ARHGEF4: variants seen among roughly 807,000 people sequenced by gnomAD.
The protein encoded by ARHGEF4 is Rho guanine nucleotide exchange factor 4.
Under a neutral mutation model 162.0 loss-of-function variants are expected in ARHGEF4, and 119 were observed. The ratio of observed to expected loss-of-function variants is 0.73; its 90% confidence interval spans 0.63 to 0.86. The LOEUF (loss-of-function observed/expected upper bound fraction) is 0.86. Among genes scored for constraint, ARHGEF4 ranks in the 40% least tolerant of loss-of-function variants. The pLI is 0.00. For synonymous variants in ARHGEF4, 1,014 were observed against 979.9 expected, an observed-to-expected ratio of 1.03 and a Z score of -0.65; for missense variants, 2,488 against 2,456.0, an observed-to-expected ratio of 1.01 and a Z score of -0.28.
intron 1 of ARHGEF4, among the ~76,000 whole-genome samples, chr2:130,902,521 G>A (rs904402819): frequency 6.7e-6 from 1 of 149,794 alleles, no homozygotes; most frequent in Admixed American, 6.7e-5. Flanking sequence ...TTGAACCTGG[G>A]AGGCGGAGGT....
rs1459746510 is a variant in ARHGEF4 at position 131,044,686 on chromosome 2, G to T, written c.5401+144G>T. On this transcript the variant is annotated intron_variant, in intron 12 of 13. Transcript: ENST00000409359. ...AGGCTCCAGGCACCTCTAGGTCCCAGTCATGAGCATAAGGCTTTGCCTTCA... is the reference window on the plus strand; with the variant it reads ...AGGCTCCAGGCACCTCTAGGTCCCATTCATGAGCATAAGGCTTTGCCTTCA... 6 of 1,148,144 alleles carry T rather than the reference G, an allele frequency of 5.2e-6. No individual in the cohort carries two copies. In the African/African-American group the frequency reaches 1.1e-4, roughly 20 times the overall value. The allele number at this position is 1,148,144 out of a possible 1,614,324, so 71.1% of individuals were successfully genotyped here.
At chr2:130,936,324 G>T (rs1444799381) in intron 3 of ARHGEF4, among the ~76,000 whole-genome samples, 2 of 152,254 alleles carry the variant, frequency 1.3e-5, no homozygotes, top group African/African-American at 2.4e-5. Context: ...GATTTCTGTC[G>T]ATTTTTGTTG....
chr2:131,004,408 C>T (rs979392007), intron 4 of ARHGEF4, among the ~76,000 whole-genome samples: 1 of 152,176 alleles, frequency 6.6e-6, no homozygotes, highest in Admixed American at 6.5e-5. Flanking sequence ...TTCATGATCC[C>T]CCTGCCTTGG....
chr2:130,892,188 C>G (rs34700621), intron 1 of ARHGEF4, among the ~76,000 whole-genome samples: 22,842 of 152,098 alleles, frequency 0.15, 1,942 homozygotes, highest in Admixed American at 0.23. Context: ...AGCACTCAGC[C>G]TTGACCTAGT....
At chr2:130,886,836 G>T (rs998465795) in intron 1 of ARHGEF4, among the ~76,000 whole-genome samples, 1 of 151,510 alleles carries the variant, frequency 6.6e-6, no homozygotes, top group Admixed American at 6.6e-5. Context: ...GTCACTTTTG[G>T]TAATTTTTTT....
At position 130,917,307 on chromosome 2, in the gene ARHGEF4, G is replaced by A; in HGVS notation, c.3361G>A (p.Gly1121Arg). ...TAGCGCCATCTCCATGGTTTCTCTTGGAAGCTACAGCTACGTGGACAGCAG... is the reference window on the plus strand; with the variant it reads ...TAGCGCCATCTCCATGGTTTCTCTTAGAAGCTACAGCTACGTGGACAGCAG... ...RGSAISMVSL[G>R]SYSYVDSSSG... is the part of the protein sequence containing the mutation. Residue 1121 changes from glycine to arginine, a missense_variant, in exon 2 of 14, where the codon GGA (glycine) becomes AGA (arginine). Transcript: ENST00000409359. The A allele has an allele frequency of 2.6e-6, 4 of 1,550,508 alleles. No individual in the cohort carries two copies. The highest frequency in any genetic ancestry group is 3.5e-6 in the Non-Finnish European group (4 of 1,146,980).
At chr2:130,990,198 TCTG>T (rs1686847958) in intron 4 of ARHGEF4, among the ~76,000 whole-genome samples, 1 of 152,250 alleles carries the variant, frequency 6.6e-6, no homozygotes, top group Non-Finnish European at 1.5e-5. Flanking sequence ...TAAGCTTCTT[TCTG>T]CTGAACTCAA....
At chr2:130,886,136 T>C (rs561326779) in intron 1 of ARHGEF4, among the ~76,000 whole-genome samples, 1 of 152,206 alleles carries the variant, frequency 6.6e-6, no homozygotes, top group East Asian at 1.9e-4. Context: ...ATTGGTTTTC[T>C]TGTATTTAAT....
intron 1 of ARHGEF4, among the ~76,000 whole-genome samples, chr2:130,907,609 G>A (rs1334217556): frequency 6.6e-6 from 1 of 152,028 alleles, no homozygotes; most frequent in Non-Finnish European, 1.5e-5. Flanking sequence ...AGGACATCTG[G>A]GTTGTTTTCT....
Position 130,914,903 on chromosome 2 carries a change from G to C in ARHGEF4, c.957G>C (p.Lys319Asn). ...GTGCCCCAGAAACTACTGGTGACAA[G>C]AACAGGGCATCCCCCAGACTCAACT... ...HHSAPETTGD[K>N]NRASPRLNCG... Residue 319 changes from lysine to asparagine, a missense_variant, in exon 2 of 14, where the codon AAG (lysine) becomes AAC (asparagine). Physicochemically the swap from Lys to Asn is moderately conservative, Grantham distance 94. This residue lies in a region of ARHGEF4 where 1,642 missense variants were observed against 1,481.5 expected (regional missense o/e 1.11). Coordinates refer to ENST00000409359, the MANE Select transcript of ARHGEF4 (RefSeq NM_001367493.1). 6.6e-7 allele frequency: 1 copy of C among 1,514,228 alleles called. No homozygotes were observed. The highest frequency in any genetic ancestry group is 8.9e-7 in the Non-Finnish European group (1 of 1,128,436). The allele number at this position is 1,514,228 out of a possible 1,614,324, so 93.8% of individuals were successfully genotyped here.
At chr2:130,986,227 G>A (rs537434468) in intron 4 of ARHGEF4, among the ~76,000 whole-genome samples, 2 of 152,200 alleles carry the variant, frequency 1.3e-5, no homozygotes, top group Non-Finnish European at 2.9e-5. Flanking sequence ...ATCGTGTGTG[G>A]TTTCACTGCC....
In ARHGEF4 at chr2:130,845,931, G is replaced by A. The variant is rs551643004; in HGVS notation, c.39+8939G>A. Among the ~76,000 whole-genome samples, 16 of 152,342 alleles carry A rather than the reference G, an allele frequency of 1.1e-4. No homozygotes were observed. In the East Asian group the frequency reaches 3.1e-3, roughly 29 times the overall value. On this transcript the variant is annotated intron_variant, in intron 1 of 13. Coordinates refer to ENST00000409359, the MANE Select transcript of ARHGEF4 (RefSeq NM_001367493.1). ...TGCCTGGGGACAGGTGAGCGTGGGC[G>A]GAAGCCAGAGGGCAGATGAGGAAGG...
chr2:130,891,322 A>G (rs561242805), intron 1 of ARHGEF4, among the ~76,000 whole-genome samples: 1 of 152,324 alleles, frequency 6.6e-6, no homozygotes, highest in African/African-American at 2.4e-5. Context: ...ATAGCAATAC[A>G]ATTAAACTCA....
At chr2:130,906,984 T>C (rs912782502) in intron 1 of ARHGEF4, among the ~76,000 whole-genome samples, 2 of 152,148 alleles carry the variant, frequency 1.3e-5, no homozygotes, top group East Asian at 3.9e-4. Flanking sequence ...TTCGATCACT[T>C]AAAAATTTCC....
intron 4 of ARHGEF4, chr2:130,963,833 G>C (rs1684795272): frequency 6.8e-6 from 1 of 147,164 alleles, no homozygotes; most frequent in Non-Finnish European, 1.5e-5. Context: ...AAGGGTCCCA[G>C]CTGCCGCGGC....
intron 1 of ARHGEF4, among the ~76,000 whole-genome samples, chr2:130,870,419 G>T (rs1049217205): frequency 6.6e-6 from 1 of 152,202 alleles, no homozygotes; most frequent in Non-Finnish European, 1.5e-5. Context: ...GCTGAGGGGA[G>T]CCCTCCAGGG....
chr2:130,914,019 G>C lies in ARHGEF4; in HGVS notation c.73G>C (p.Gly25Arg). The C allele has an allele frequency of 6.5e-7, 1 of 1,536,116 alleles. No homozygotes were observed. The highest frequency in any genetic ancestry group is 2.4e-5 in the East Asian group (1 of 40,912). ...GCCAGGTGCACACCTGCCAGGTGAAGGTGAGATTGAAGATAACCAGCTCCC... is the reference window on the plus strand; with the variant it reads ...GCCAGGTGCACACCTGCCAGGTGAACGTGAGATTGAAGATAACCAGCTCCC... ...PEPGAHLPGE[G>R]EIEDNQLPTS... The change falls in exon 2 of 14, where the codon GGT becomes CGT. Residue 25 changes from glycine (G) to arginine (R), a missense_variant. This residue lies in a region of ARHGEF4 where 171 missense variants were observed against 169.4 expected (regional missense o/e 1.01). Transcript: ENST00000409359.
intron 1 of ARHGEF4, among the ~76,000 whole-genome samples, chr2:130,867,425 A>AG (rs1386549172): frequency 6.6e-6 from 1 of 151,758 alleles, no homozygotes; most frequent in Admixed American, 6.6e-5. Flanking sequence ...TTTAGTAGAG[A>AG]GGGGGTTTCA....
chr2:130,899,707 G>A (rs1680377053), intron 1 of ARHGEF4, among the ~76,000 whole-genome samples: 1 of 152,140 alleles, frequency 6.6e-6, no homozygotes, highest in African/African-American at 2.4e-5. Flanking sequence ...CTTAGGAGGT[G>A]GAAGAGGGTG....
Sources: allele counts gnomAD v4.1 joint callset (sites outside exome capture counted in the v4.1 genomes callset), GRCh38; gene constraint gnomAD v4.1.1; regional missense constraint gnomAD v4.1.1; transcripts MANE v1.5; gene names NCBI Gene and HGNC (gene_info 2026-07-23, HGNC 2026-07-21).